Variants in SHISAL1 observed in about 807,000 individuals in gnomAD.
SHISAL1 encodes the protein shisa like 1.
SHISAL1 carries 9 observed loss-of-function variants against 22.6 expected under a neutral mutation model. The ratio of observed to expected loss-of-function variants is 0.40; its 90% CI spans 0.24 to 0.70. The LOEUF is 0.70. SHISAL1 is among the 30% of genes least tolerant of loss of function. The pLI is 0.39. For synonymous variants in SHISAL1, 119 were observed against 115.4 expected, an observed-to-expected ratio of 1.03 and a Z score of -0.20; for missense variants, 246 against 270.6, an observed-to-expected ratio of 0.91 and a Z score of 0.64.
chr22:44,261,382 C>T (rs541000530), intron 4 of SHISAL1, among the ~76,000 whole-genome samples: 2 of 152,170 alleles, frequency 1.3e-5, no homozygotes, highest in East Asian at 3.9e-4. Flanking sequence ...CACTGGGCGC[C>T]CCTTCTGTGC....
chr22:44,294,355 G>A (rs535418700), intron 3 of SHISAL1, among the ~76,000 whole-genome samples: 1 of 152,222 alleles, frequency 6.6e-6, no homozygotes, highest in Non-Finnish European at 1.5e-5. Context: ...GCTTCCCCCT[G>A]AGTGAATGCA....
At chr22:44,297,696 T>C (rs2055397083) in intron 2 of SHISAL1, among the ~76,000 whole-genome samples, 1 of 152,220 alleles carries the variant, frequency 6.6e-6, no homozygotes, top group Non-Finnish European at 1.5e-5. Context: ...GTGCCGATGG[T>C]GATAAACAGG....
At chr22:44,286,290 G>A (rs184926187) in intron 3 of SHISAL1, among the ~76,000 whole-genome samples, 1 of 152,186 alleles carries the variant, frequency 6.6e-6, no homozygotes, top group Non-Finnish European at 1.5e-5. Context: ...TCCCCCAGGG[G>A]TCCCCTTCAC....
intron 4 of SHISAL1, among the ~76,000 whole-genome samples, chr22:44,263,338 T>A (rs135423): frequency 9.9e-5 from 15 of 151,516 alleles, no homozygotes; most frequent in Non-Finnish European, 8.8e-5. Context: ...CCCAAAGTGC[T>A]GGGATTACAG....
intron 4 of SHISAL1, among the ~76,000 whole-genome samples, chr22:44,269,012 C>G (rs925971800): frequency 6.6e-6 from 1 of 152,070 alleles, no homozygotes; most frequent in African/African-American, 2.4e-5. Flanking sequence ...AGCTTCCATG[C>G]ATTCTGCACT....
At chr22:44,313,821 C>T (rs916110974), upstream of SHISAL1, among the ~76,000 whole-genome samples, 8 of 152,342 alleles carry the variant, frequency 5.3e-5, no homozygotes, top group African/African-American at 1.9e-4. Flanking sequence ...TCCCTGGAAG[C>T]CTGCCCATCC....
chr22:44,248,317 C>T lies in SHISAL1; in HGVS notation c.*1368G>A. The stretch of plus-strand genomic sequence containing the variant: ...TGCGTCAGAGGACACACACATTGAT[C>T]AAGCAGGGCCTCCCGAGCTAAGAGC... On this transcript the variant is annotated 3_prime_UTR_variant, in exon 5 of 5. Coordinates refer to ENST00000381176, the MANE Select transcript of SHISAL1 (RefSeq NM_001099294.2). 6.6e-6 allele frequency: 1 copy of T among 152,262 alleles called. No homozygotes were observed. The highest frequency in any genetic ancestry group is 1.9e-4 in the East Asian group (1 of 5,182). The allele number at this position is 152,262 out of a possible 1,614,324, so 9.4% of individuals were successfully genotyped here. A position where few individuals can be genotyped will look rare whatever the true frequency, so the allele number is the denominator to read the frequency against.
chr22:44,285,448 G>C lies in SHISAL1; in HGVS notation c.579C>G (p.Thr193=). 6.2e-7 allele frequency: 1 copy of C among 1,614,076 alleles called. No homozygotes were observed. The highest frequency in any genetic ancestry group is 8.5e-7 in the Non-Finnish European group (1 of 1,179,938). Residue 193 remains threonine (T), a synonymous_variant, in exon 4 of 5, where the codon ACC becomes ACG. Transcript: ENST00000381176. ...CTCACCAGGCAGACGAACTCTGGAA[G>C]GTCATCAGCGGTGGGCTGTGAGCAT... ...RGDAHSPPLM[T]FQSSSA is the part of the protein sequence containing the mutation.
chr22:44,274,065 C>G (rs1174307408), intron 4 of SHISAL1, among the ~76,000 whole-genome samples: 1 of 138,466 alleles, frequency 7.2e-6, no homozygotes, highest in African/African-American at 2.6e-5. Context: ...CCCTCCCCCC[C>G]ACCCACCCTG....
Position 44,284,990 on chromosome 22 carries a change from T to C in SHISAL1, c.599+438A>G, listed in dbSNP as rs146664519. Among the ~76,000 whole-genome samples, 124 of 151,804 alleles carry C rather than the reference T, an allele frequency of 8.2e-4. 2 individuals carry two copies. In the East Asian group the frequency reaches 0.021, roughly 25 times the overall value. On this transcript the variant is annotated intron_variant, in intron 4 of 4. Transcript: ENST00000381176. ...AGTACCCCTCATGCCATACAAGGCA[T>C]GTACACATAAGGAACTAAGTAACAT...
chr22:44,257,584 A>T (rs907582655), intron 4 of SHISAL1, among the ~76,000 whole-genome samples: 3 of 152,242 alleles, frequency 2.0e-5, no homozygotes, highest in African/African-American at 7.2e-5. Context: ...AAACTGCTTT[A>T]AAAAAATAAA....
At chr22:44,329,469 G>A in the SHISAL1 span, among the ~76,000 whole-genome samples, 1 of 151,780 alleles carries the variant, frequency 6.6e-6, no homozygotes, top group Non-Finnish European at 1.5e-5. Context: ...ACACACGCGC[G>A]GCTCTAAGCC....
chr22:44,269,445 A>C (rs2055190065), intron 4 of SHISAL1, among the ~76,000 whole-genome samples: 1 of 143,798 alleles, frequency 7.0e-6, no homozygotes, highest in Non-Finnish European at 1.5e-5. Context: ...ACACACACAC[A>C]CCATGCCACA....
At chr22:44,274,416 C>T (rs1002039078) in intron 4 of SHISAL1, among the ~76,000 whole-genome samples, 2 of 152,166 alleles carry the variant, frequency 1.3e-5, no homozygotes, top group African/African-American at 4.8e-5. Flanking sequence ...AATCTCCCTG[C>T]CTGGCATCTA....
intron 4 of SHISAL1, among the ~76,000 whole-genome samples, chr22:44,267,958 G>C (rs2055176376): frequency 6.6e-6 from 1 of 152,232 alleles, no homozygotes; most frequent in South Asian, 2.1e-4. Context: ...CGAAGGGCTG[G>C]GAGCCTCTGC....
intron 1 of SHISAL1, among the ~76,000 whole-genome samples, chr22:44,308,308 G>A (rs1022546946): frequency 1.3e-5 from 2 of 152,232 alleles, no homozygotes; most frequent in Non-Finnish European, 2.9e-5. Flanking sequence ...GCGGCCCCCA[G>A]AGCCAGCTTT....
chr22:44,299,901 CAG>C (rs1377023658), intron 2 of SHISAL1, among the ~76,000 whole-genome samples: 6 of 142,100 alleles, frequency 4.2e-5, no homozygotes. Context: ...GACAGAGAGA[CAG>C]AGACAGAGAC....
the SHISAL1 span, among the ~76,000 whole-genome samples, chr22:44,325,986 C>A: frequency 2.6e-5 from 4 of 152,120 alleles, no homozygotes; most frequent in East Asian, 7.8e-4. Context: ...TTCCCTTCCC[C>A]CAACAAACAC....
At chr22:44,296,094 C>T (rs2055383660) in intron 3 of SHISAL1, among the ~76,000 whole-genome samples, 1 of 152,204 alleles carries the variant, frequency 6.6e-6, no homozygotes, top group Admixed American at 6.5e-5. Context: ...CATCCTTAAC[C>T]TCACTTAGCT....
Sources: gnomAD v4.1 joint callset for allele counts (sites outside exome capture counted in the v4.1 genomes callset) on GRCh38, gnomAD v4.1.1 for gene constraint, MANE v1.5 for transcripts, NCBI Gene and HGNC (gene_info 2026-07-23, HGNC 2026-07-21) for gene names.